ABHD1: variants seen among roughly 807,000 people sequenced by gnomAD.
ABHD1 encodes the protein abhydrolase domain containing 1, also known as protein ABHD1.
ABHD1 carries 47 observed loss-of-function variants against 41.4 expected under a neutral mutation model. The ratio of observed to expected loss-of-function variants is 1.13; its 90% CI spans 0.90 to 1.45. The LOEUF is 1.45. ABHD1 is among the 40% of genes most tolerant of loss of function. The pLI, the probability that ABHD1 is intolerant of heterozygous loss-of-function variation, is 0.00. For missense variants in ABHD1, 550 were observed against 503.4 expected, an observed-to-expected ratio of 1.09 and a Z score of -0.89; for synonymous variants, 205 against 203.7, an observed-to-expected ratio of 1.01 and a Z score of -0.05.
intron 4 of ABHD1, 51 bp downstream of exon 4, chr2:27,129,412 T>C (rs770063274): frequency 1.2e-6 from 2 of 1,613,294 alleles, no homozygotes; most frequent in Admixed American, 1.7e-5. Flanking sequence ...CCTTTAGAGA[T>C]CCTTGGCCCT....
intron 1 of ABHD1, 154 bp downstream of exon 1, chr2:27,124,216 G>GT (rs1324249820): frequency 1.5e-5 from 11 of 743,478 alleles, no homozygotes; most frequent in Non-Finnish European, 2.1e-5. Context: ...TGCCTCTCTA[G>GT]TGCCTCTGCA....
In ABHD1 at chr2:27,130,779, C is replaced by G; in HGVS notation, c.*35C>G. 1 of 1,596,670 alleles carries G rather than the reference C, an allele frequency of 6.3e-7. No homozygotes were observed. The highest frequency in any genetic ancestry group is 8.6e-7 in the Non-Finnish European group (1 of 1,165,086). ...CATTTGGGGTCTCAGTTCACTCTTTCCTTGTTTATTAAATATCAACTTTTC... is the reference window on the plus strand; with the variant it reads ...CATTTGGGGTCTCAGTTCACTCTTTGCTTGTTTATTAAATATCAACTTTTC... On this transcript the variant is annotated 3_prime_UTR_variant, in exon 9 of 9. Coordinates refer to ENST00000316470, the MANE Select transcript of ABHD1 (RefSeq NM_032604.4).
At chr2:27,128,360 C>A in intron 1 of ABHD1, 81 bp from the exon 2 acceptor site, 3 of 1,592,196 alleles carry the variant, frequency 1.9e-6, no homozygotes, top group Non-Finnish European at 2.6e-6. Flanking sequence ...GAGAGGGGGC[C>A]CCCTCACCCT....
chr2:27,124,072 G>A lies in ABHD1; in HGVS notation c.114+10G>A. ...GGCATGTGTGCTTCAGGTGGGTGCG[G>A]GTCCACCGCTCTGGCCAGCGGGTTT... On this transcript the variant is annotated intron_variant, in intron 1 of 8. Coordinates refer to ENST00000316470, the MANE Select transcript of ABHD1 (RefSeq NM_032604.4). 1 of 1,611,492 alleles carries A rather than the reference G, an allele frequency of 6.2e-7. No individual in the cohort carries two copies. Among genetic ancestry groups the A allele is most frequent in the Non-Finnish European group, 8.5e-7 (1 of 1,177,568 alleles).
Position 27,129,567 on chromosome 2 carries a change from C to T in ABHD1, c.558C>T (p.Asn186=). Residue 186 remains asparagine (N), a synonymous_variant, in exon 5 of 9, where the codon AAC becomes AAT. Transcript: ENST00000316470. Reference sequence around the variant, plus strand: ...CTGAAGATCTAGAGACAGTCGTGAACCACATAAAGCATCGTTATCCCCAAG... The same window carrying T: ...CTGAAGATCTAGAGACAGTCGTGAATCACATAAAGCATCGTTATCCCCAAG... ...SNTEDLETVV[N]HIKHRYPQAP... The T allele has an allele frequency of 6.2e-7, 1 of 1,614,072 alleles. No homozygotes were observed. The highest frequency in any genetic ancestry group is 1.7e-5 in the Admixed American group (1 of 60,030).
chr2:27,129,301 C>G lies in ABHD1; in HGVS notation c.459-15C>G. ...TAAGAAGGGTCTGGCTAAGATGTAC[C>G]TGTGTGTGCCACAGGGCTGTCGTGT... On this transcript the variant is annotated splice_polypyrimidine_tract_variant and intron_variant, in intron 3 of 8. Transcript: ENST00000316470. The G allele has an allele frequency of 6.2e-7, 1 of 1,614,098 alleles. No homozygotes were observed. Among genetic ancestry groups the G allele is most frequent in the Non-Finnish European group, 8.5e-7 (1 of 1,179,996 alleles).
intron 2 of ABHD1, 148 bp from the exon 3 acceptor site, chr2:27,128,797 C>A: frequency 8.3e-7 from 1 of 1,198,912 alleles, no homozygotes; most frequent in Non-Finnish European, 1.2e-6. Context: ...CACACATTGT[C>A]AAGCCTTACT....
At position 27,129,598 on chromosome 2, in the gene ABHD1, CTGCT is replaced by C; in HGVS notation, c.590_593del (p.Leu197ArgfsTer13). On this transcript the variant is annotated frameshift_variant, in exon 5 of 9. Transcript: ENST00000316470. LOFTEE classifies it high-confidence loss of function. ...AAAGCATCGTTATCCCCAAGCTCCA[CTGCT>C]GGCCGTGGGCATCTCTTTTGGAGGG... 1 of 1,613,694 alleles carries C rather than the reference CTGCT, an allele frequency of 6.2e-7. No homozygotes were observed. The highest frequency in any genetic ancestry group is 8.5e-7 in the Non-Finnish European group (1 of 1,180,050).
Position 27,128,506 on chromosome 2 carries a change from C to A in ABHD1, c.180C>A (p.Thr60=). ...AFLEPHCSIT[T]ETFYPTLWCF... ...TGGAGCCACACTGTTCCATCACCAC[C>A]GAGACTTTCTACCCAACGCTGTGGT... The change falls in exon 2 of 9, where the codon ACC becomes ACA. Residue 60 remains threonine (T), a synonymous_variant. Transcript: ENST00000316470. 6.2e-7 allele frequency: 1 copy of A among 1,614,142 alleles called. No individual in the cohort carries two copies. Among genetic ancestry groups the A allele is most frequent in the East Asian group, 2.2e-5 (1 of 44,874 alleles).
chr2:27,123,815 A>G lies in ABHD1; in HGVS notation c.-134A>G, dbSNP rs1671838773. 4 of 697,234 alleles carry G rather than the reference A, an allele frequency of 5.7e-6. No individual in the cohort carries two copies. The highest frequency in any genetic ancestry group is 2.8e-5 in the East Asian group (1 of 36,160). 43.2% of individuals were successfully genotyped at this position (697,234 alleles called of 1,614,324 possible). ...CGGGGCACCGGCGGTGGGCGGGGCC[A>G]GCAGCGCAAACTGCCTGCAGCGGGG... is the stretch of plus-strand genomic sequence containing the variant. On this transcript the variant is annotated 5_prime_UTR_variant, in exon 1 of 9. Transcript: ENST00000316470.
At chr2:27,124,092 G>A (rs978490867) in intron 1 of ABHD1, 30 bp downstream of exon 1, 2 of 1,599,790 alleles carry the variant, frequency 1.3e-6, no homozygotes, top group Non-Finnish European at 1.7e-6. Context: ...TCTGGCCAGC[G>A]GGTTTGGGTG....
intron 1 of ABHD1, chr2:27,126,723 A>C (rs1185999447): frequency 6.6e-6 from 1 of 152,086 alleles, no homozygotes; most frequent in Non-Finnish European, 1.5e-5. Context: ...AAAAAAATCG[A>C]TTCACATTAG....
chr2:27,130,505 G>C, intron 8 of ABHD1, 28 bp from the exon 9 acceptor site: 1 of 1,612,022 alleles, frequency 6.2e-7, no homozygotes, highest in East Asian at 2.2e-5. Flanking sequence ...GTGAAGGCCA[G>C]TGTTTCTAAC....
intron 3 of ABHD1, 32 bp downstream of exon 3, chr2:27,129,159 G>A: frequency 7.5e-6 from 12 of 1,604,156 alleles, no homozygotes; most frequent in Non-Finnish European, 1.0e-5. Flanking sequence ...GAGTGGGGTG[G>A]CATCTGAGAA....
In ABHD1 at chr2:27,130,236, T is replaced by TA; in HGVS notation, c.841-15_841-14insA. ...TTCTTTATCATCTTAGCCTATCCTA[T>TA]GGTAAGACCTGCAGGCCCGTACAAT... On this transcript the variant is annotated splice_polypyrimidine_tract_variant and intron_variant, in intron 7 of 8. Coordinates refer to ENST00000316470, the MANE Select transcript of ABHD1 (RefSeq NM_032604.4). The TA allele has an allele frequency of 6.2e-7, 1 of 1,614,188 alleles. No individual in the cohort carries two copies. Among genetic ancestry groups the TA allele is most frequent in the South Asian group, 1.1e-5 (1 of 91,082 alleles).
intron 4 of ABHD1, 22 bp from the exon 5 acceptor site, chr2:27,129,492 C>T: frequency 6.2e-7 from 1 of 1,613,350 alleles, no homozygotes; most frequent in Non-Finnish European, 8.5e-7. Flanking sequence ...CCTCCCTACC[C>T]AATGATCTGG....
intron 1 of ABHD1, among the ~76,000 whole-genome samples, chr2:27,128,163 G>A (rs904928614): frequency 4.6e-5 from 7 of 152,174 alleles, no homozygotes; most frequent in African/African-American, 1.7e-4. Flanking sequence ...TGGATAGGCT[G>A]AGCAGGAAAG....
rs1285067577 is a variant in ABHD1 at position 27,129,702 on chromosome 2, A to G, written c.618-52A>G. 12 of 1,610,786 alleles carry G rather than the reference A, an allele frequency of 7.4e-6. No individual in the cohort carries two copies. In the Admixed American group the frequency reaches 1.7e-4, roughly 22 times the overall value. ...CCTCCATGTCCCCTTCCTCTGTCCCAACCCACATTAATGCAAACCCTTCTT... is the reference window on the plus strand; with the variant it reads ...CCTCCATGTCCCCTTCCTCTGTCCCGACCCACATTAATGCAAACCCTTCTT... On this transcript the variant is annotated intron_variant, in intron 5 of 8. Transcript: ENST00000316470.
intron 7 of ABHD1, 38 bp from the exon 8 acceptor site, chr2:27,130,213 C>A: frequency 6.2e-7 from 1 of 1,614,130 alleles, no homozygotes; most frequent in Non-Finnish European, 8.5e-7. Context: ...TCTTCCTATT[C>A]TTTATCATCT....
Sources: gnomAD v4.1 joint callset for allele counts (sites outside exome capture counted in the v4.1 genomes callset) on GRCh38, gnomAD v4.1.1 for gene constraint, MANE v1.5 for transcripts, NCBI Gene and HGNC (gene_info 2026-07-23, HGNC 2026-07-21) for gene names.